The following CPNE8 variants were observed in gnomAD, a reference collection of about 807,000 sequenced individuals.
The protein encoded by CPNE8 is copine-8.
In CPNE8, 45 loss-of-function variants were observed where a neutral mutation model predicts 81.5. That is an observed-to-expected ratio of 0.55 (90% CI 0.44 to 0.71). The LOEUF (loss-of-function observed/expected upper bound fraction) is 0.71, where lower values mean the gene tolerates loss of function less well. Ranked by LOEUF, CPNE8 falls within the 30% of genes least tolerant of loss-of-function variation. The pLI, the probability that CPNE8 is intolerant of heterozygous loss-of-function variation, is 0.00. For synonymous variants in CPNE8, 252 were observed against 226.3 expected, an observed-to-expected ratio of 1.11 and a Z score of -1.02; for missense variants, 594 against 672.1, an observed-to-expected ratio of 0.88 and a Z score of 1.28.
intron 10 of CPNE8, among the ~76,000 whole-genome samples, chr12:38,732,927 T>C (rs1388258083): frequency 1.3e-5 from 2 of 152,016 alleles, no homozygotes; most frequent in South Asian, 2.1e-4. Flanking sequence ...ATGCTATCCA[T>C]GTGTTGTAGA....
chr12:38,895,952 A>G (rs910548614), intron 1 of CPNE8, among the ~76,000 whole-genome samples: 2 of 152,100 alleles, frequency 1.3e-5, no homozygotes, highest in African/African-American at 4.8e-5. Context: ...TACTCTCTCT[A>G]AACCTCAATT....
At chr12:38,775,945 G>T (rs1024296811) in intron 7 of CPNE8, among the ~76,000 whole-genome samples, 3 of 152,064 alleles carry the variant, frequency 2.0e-5, no homozygotes, top group Non-Finnish European at 4.4e-5. Context: ...GAACTGATTG[G>T]TATAACTGAC....
chr12:38,751,959 T>TTCAGTA (rs1227240152), intron 10 of CPNE8, among the ~76,000 whole-genome samples: 1 of 152,202 alleles, frequency 6.6e-6, no homozygotes, highest in Non-Finnish European at 1.5e-5. Flanking sequence ...GTTCTTTTCT[T>TTCAGTA]TCAGTATCTG....
intron 6 of CPNE8, among the ~76,000 whole-genome samples, chr12:38,802,897 G>C (rs1337950706): frequency 2.7e-5 from 4 of 149,118 alleles, no homozygotes; most frequent in Non-Finnish European, 5.9e-5. Context: ...AAATAAACTA[G>C]AAAATCTAGA....
At chr12:38,763,991 A>G (rs1941624094) in intron 8 of CPNE8, among the ~76,000 whole-genome samples, 1 of 152,122 alleles carries the variant, frequency 6.6e-6, no homozygotes, top group Admixed American at 6.6e-5. Flanking sequence ...GAAAGGATCA[A>G]GTTTTTATTA....
At chr12:38,750,779 G>A (rs1223949424) in intron 10 of CPNE8, among the ~76,000 whole-genome samples, 1 of 152,194 alleles carries the variant, frequency 6.6e-6, no homozygotes, top group East Asian at 1.9e-4. Flanking sequence ...ACTTTGGACT[G>A]TGGACTTTTG....
At chr12:38,785,351 A>G (rs1942157844) in intron 6 of CPNE8, among the ~76,000 whole-genome samples, 1 of 151,016 alleles carries the variant, frequency 6.6e-6, no homozygotes, top group African/African-American at 2.5e-5. Context: ...CTAAAAAATT[A>G]ACCAATAAAA....
At chr12:38,882,750 C>T (rs1468111255) in intron 1 of CPNE8, among the ~76,000 whole-genome samples, 1 of 152,210 alleles carries the variant, frequency 6.6e-6, no homozygotes, top group Admixed American at 6.5e-5. Flanking sequence ...CACATTCTGA[C>T]CCCTGGCTAT....
chr12:38,844,885 A>C (rs1943529566), intron 4 of CPNE8, among the ~76,000 whole-genome samples: 1 of 152,182 alleles, frequency 6.6e-6, no homozygotes, highest in South Asian at 2.1e-4. Flanking sequence ...CAATTCTGAA[A>C]ACCATTTACA....
intron 3 of CPNE8, among the ~76,000 whole-genome samples, chr12:38,870,677 G>A (rs942812068): frequency 6.6e-6 from 1 of 152,030 alleles, no homozygotes; most frequent in Non-Finnish European, 1.5e-5. Flanking sequence ...AGCATTAGGA[G>A]AAATACCTAA....
chr12:38,678,672 T>C (rs1414606643), intron 16 of CPNE8, among the ~76,000 whole-genome samples: 4 of 151,902 alleles, frequency 2.6e-5, no homozygotes, highest in Admixed American at 2.0e-4. Flanking sequence ...TTTAAAAACA[T>C]ATAAAGAAGA....
chr12:38,653,639 T>C lies in CPNE8; in HGVS notation c.*243A>G, dbSNP rs1451735515. 1.6e-5 allele frequency: 2 copies of C among 125,830 alleles called. No homozygotes were observed. The highest frequency in any genetic ancestry group is 1.5e-4 in the East Asian group (2 of 13,542). The allele number at this position is 125,830 out of a possible 1,614,324, so 7.8% of individuals were successfully genotyped here. A position where few individuals can be genotyped will look rare whatever the true frequency, so the allele number is the denominator to read the frequency against. ...TGTTAAAAAAAAAAAGAAAGAAAGA[T>C]TTAGAGAAGACATCCATACTTTGCT... is the stretch of plus-strand genomic sequence containing the variant. On this transcript the variant is annotated 3_prime_UTR_variant, in exon 20 of 20. Coordinates refer to ENST00000331366, the MANE Select transcript of CPNE8 (RefSeq NM_153634.3).
chr12:38,737,841 C>CTA (rs370290783), intron 10 of CPNE8, among the ~76,000 whole-genome samples: 3 of 151,940 alleles, frequency 2.0e-5, no homozygotes, highest in African/African-American at 7.3e-5. Context: ...CTCTCTCTCT[C>CTA]CTGCACAAAC....
At chr12:38,892,854 C>T (rs1464298988) in intron 1 of CPNE8, among the ~76,000 whole-genome samples, 2 of 152,096 alleles carry the variant, frequency 1.3e-5, no homozygotes, top group Non-Finnish European at 2.9e-5. Context: ...CTGTTCATTT[C>T]CATGAATACA....
intron 6 of CPNE8, among the ~76,000 whole-genome samples, chr12:38,797,318 C>A (rs942891560): frequency 1.3e-5 from 2 of 152,170 alleles, no homozygotes; most frequent in Admixed American, 1.3e-4. Flanking sequence ...CAGACTGACA[C>A]CTCACACGGC....
At chr12:38,766,993 G>T (rs1423911238) in intron 8 of CPNE8, among the ~76,000 whole-genome samples, 3 of 151,890 alleles carry the variant, frequency 2.0e-5, no homozygotes, top group Non-Finnish European at 4.4e-5. Flanking sequence ...AAGTAGCAAG[G>T]TTATTATTTA....
upstream of CPNE8, chr12:38,905,710 G>GC: frequency 6.9e-7 from 1 of 1,442,656 alleles, no homozygotes; most frequent in Admixed American, 2.5e-5. Context: ...GCAGAGCCAC[G>GC]AGGGAACCGC....
At chr12:38,678,200 T>C (rs967217524) in intron 16 of CPNE8, among the ~76,000 whole-genome samples, 1 of 151,928 alleles carries the variant, frequency 6.6e-6, no homozygotes, top group African/African-American at 2.4e-5. Flanking sequence ...TTTTGACACA[T>C]CCACAGTCAA....
intron 15 of CPNE8, among the ~76,000 whole-genome samples, chr12:38,688,819 G>C (rs1372656745): frequency 6.6e-6 from 1 of 152,078 alleles, no homozygotes; most frequent in Non-Finnish European, 1.5e-5. Context: ...TTGGAGACTG[G>C]CGGGGAAAGG....
Sources: allele counts gnomAD v4.1 joint callset (sites outside exome capture counted in the v4.1 genomes callset), GRCh38; gene constraint gnomAD v4.1.1; transcripts MANE v1.5; gene names NCBI Gene and HGNC (gene_info 2026-07-23, HGNC 2026-07-21).